Variants in MACF1 observed in about 807,000 individuals in gnomAD.
The protein encoded by MACF1 is microtubule-actin cross-linking factor 1.
MACF1 carries 193 observed loss-of-function variants against 854.8 expected under a neutral mutation model. The observed-to-expected ratio is 0.23, with a 90% confidence interval of 0.20 to 0.25. The LOEUF is 0.25. MACF1 is among the 10% of genes least tolerant of loss of function. The pLI is 1.00. For synonymous variants in MACF1, 3,185 were observed against 3,226.7 expected, an observed-to-expected ratio of 0.99 and a Z score of 0.44; for missense variants, 7,722 against 8,929.1, an observed-to-expected ratio of 0.86 and a Z score of 5.45.
At chr1:39,485,333 C>T in intron 100 of MACF1, 1 of 596,304 alleles carries the variant, frequency 1.7e-6, no homozygotes, top group South Asian at 2.2e-5. Context: ...GAGTGGCTTT[C>T]TAATCCCCAG....
At chr1:39,239,685 G>C (rs1486170925) in intron 2 of MACF1, among the ~76,000 whole-genome samples, 1 of 152,136 alleles carries the variant, frequency 6.6e-6, no homozygotes, top group East Asian at 1.9e-4. Context: ...CCTTAGGAGG[G>C]AGAAAAATGC....
intron 44 of MACF1, among the ~76,000 whole-genome samples, chr1:39,355,285 C>T (rs1371993935): frequency 6.6e-6 from 1 of 152,058 alleles, no homozygotes; most frequent in Non-Finnish European, 1.5e-5. Flanking sequence ...CAGCAGTCAA[C>T]CTAATGAAGT....
At chr1:39,230,940 G>T (rs1267784918) in intron 1 of MACF1, among the ~76,000 whole-genome samples, 1 of 152,196 alleles carries the variant, frequency 6.6e-6, no homozygotes, top group African/African-American at 2.4e-5. Flanking sequence ...TTGTGCTAAG[G>T]AGACTTTGCC....
At chr1:39,234,556 C>G (rs1267514516) in intron 2 of MACF1, among the ~76,000 whole-genome samples, 2 of 111,056 alleles carry the variant, frequency 1.8e-5, no homozygotes, top group Non-Finnish European at 4.0e-5. Flanking sequence ...CTGACCCCCC[C>G]ACCTCCCTCC....
chr1:39,412,287 A>G, intron 58 of MACF1: 2 of 1,614,044 alleles, frequency 1.2e-6, no homozygotes, highest in Non-Finnish European at 8.5e-7. Context: ...TGTTATATGA[A>G]TCAAATTTAC....
At chr1:39,167,831 G>A (rs982626084) in intron 2 of MACF1, among the ~76,000 whole-genome samples, 15 of 150,524 alleles carry the variant, frequency 1.0e-4, no homozygotes, top group Admixed American at 2.7e-4. Context: ...CTGAGATTGC[G>A]TTACTGCACT....
chr1:39,368,128 T>C lies in MACF1; in HGVS notation c.12772-20T>C. ...TATAAGGATTAGAGGATTTAATACA[T>C]TTCCTTGTTTGCTTGACAGGAGCTC... On this transcript the variant is annotated intron_variant, in intron 49 of 100. Transcript: ENST00000564288. 6.2e-7 allele frequency: 1 copy of C among 1,611,822 alleles called. No individual in the cohort carries two copies.
At chr1:39,270,141 A>G (rs1374860304) in intron 6 of MACF1, among the ~76,000 whole-genome samples, 1 of 152,256 alleles carries the variant, frequency 6.6e-6, no homozygotes, top group Non-Finnish European at 1.5e-5. Flanking sequence ...GGGGTCAGGC[A>G]GCTGTTGTCA....
At chr1:39,159,711 C>T (rs1643758088) in intron 2 of MACF1, among the ~76,000 whole-genome samples, 1 of 152,164 alleles carries the variant, frequency 6.6e-6, no homozygotes, top group African/African-American at 2.4e-5. Flanking sequence ...AATCTTTTTA[C>T]TTTCCCTTCT....
At position 39,385,250 on chromosome 1, in the gene MACF1, T is replaced by C. The variant is rs1369817352; in HGVS notation, c.13849-184T>C. Among the ~76,000 whole-genome samples the C allele has an allele frequency of 3.3e-5, 5 of 152,154 alleles. No homozygotes were observed. The East Asian group carries it at 9.6e-4, about 29-fold the overall frequency. ...GCCCCACTAATTTTTGTATTTTTAG[T>C]AGAGACGGGGTTTCGCCACGTTGGC... On this transcript the variant is annotated intron_variant, in intron 56 of 100. Coordinates refer to ENST00000564288, the MANE Select transcript of MACF1 (RefSeq NM_001394062.1).
intron 15 of MACF1, among the ~76,000 whole-genome samples, chr1:39,289,880 T>C (rs192459479): frequency 6.1e-4 from 92 of 151,942 alleles, no homozygotes; most frequent in Non-Finnish European, 5.9e-5. Context: ...TTTGTATTTT[T>C]AGTAGAGATG....
chr1:39,426,933 G>A (rs907839759), intron 61 of MACF1, among the ~76,000 whole-genome samples: 9 of 152,054 alleles, frequency 5.9e-5, no homozygotes, highest in Admixed American at 3.9e-4. Flanking sequence ...TGGGGAGGGA[G>A]TTCTAGTTCA....
rs1021078445 is a variant in MACF1 at position 39,105,407 on chromosome 1, G to C, written c.220+20969G>C. On this transcript the variant is annotated intron_variant, in intron 2 of 93. Coordinates refer to the MACF1 transcript ENST00000361689. The surrounding 1 kb of genome is among the most constrained non-coding windows in gnomAD (Gnocchi z 5.9). ...GAGGGGTGAGGACGCGGAAACGCGA[G>C]CCGGGACCGGCGGAGCGCGAGCGGG... 5 of 987,272 alleles carry C rather than the reference G, an allele frequency of 5.1e-6. No homozygotes were observed. The highest frequency in any genetic ancestry group is 6.2e-5 in the Admixed American group (1 of 16,160). 61.2% of individuals were successfully genotyped at this position (987,272 alleles called of 1,614,324 possible). A position where few individuals can be genotyped will look rare whatever the true frequency, so the allele number is the denominator to read the frequency against.
chr1:39,437,358 T>A (rs1429570958), intron 70 of MACF1, among the ~76,000 whole-genome samples: 1 of 152,036 alleles, frequency 6.6e-6, no homozygotes, highest in East Asian at 1.9e-4. Flanking sequence ...TCGCCCAGGC[T>A]GGAGTGCAGT....
At chr1:39,455,316 A>G (rs905102557) in intron 89 of MACF1, among the ~76,000 whole-genome samples, 1 of 152,162 alleles carries the variant, frequency 6.6e-6, no homozygotes, top group Non-Finnish European at 1.5e-5. Context: ...CCAGGCAGAA[A>G]TCAAGGTGTC....
At chr1:39,469,493 T>G in intron 96 of MACF1, 54 bp from the exon 97 acceptor site, 1 of 1,361,154 alleles carries the variant, frequency 7.3e-7, no homozygotes, top group Admixed American at 2.0e-5. Context: ...CTTGACTAGT[T>G]TCTGCGTTTC....
At chr1:39,395,272 A>G (rs1642227401) in intron 58 of MACF1, among the ~76,000 whole-genome samples, 3 of 152,206 alleles carry the variant, frequency 2.0e-5, no homozygotes, top group African/African-American at 4.8e-5. Flanking sequence ...GTTGAGAACT[A>G]TAGCCCTGGA....
chr1:39,356,204 T>C (rs1413048318), intron 44 of MACF1, among the ~76,000 whole-genome samples: 1 of 152,044 alleles, frequency 6.6e-6, no homozygotes, highest in Non-Finnish European at 1.5e-5. Context: ...AGAAAGAAGG[T>C]CTATGTATAA....
At chr1:39,247,384 A>G (rs907562528) in intron 2 of MACF1, among the ~76,000 whole-genome samples, 1 of 152,100 alleles carries the variant, frequency 6.6e-6, no homozygotes, top group Non-Finnish European at 1.5e-5. Context: ...GCTATTATTA[A>G]AAATTAAATT....
Sources: allele counts gnomAD v4.1 joint callset (sites outside exome capture counted in the v4.1 genomes callset), GRCh38; gene constraint gnomAD v4.1.1; non-coding constraint Gnocchi (gnomAD v3.1); transcripts MANE v1.5; gene names NCBI Gene and HGNC (gene_info 2026-07-23, HGNC 2026-07-21).